Variants in PIEZO2 observed in about 807,000 individuals in gnomAD.
PIEZO2 encodes the protein piezo type mechanosensitive ion channel component 2.
Under a neutral mutation model 337.3 loss-of-function variants are expected in PIEZO2, and 172 were observed. The observed-to-expected ratio is 0.51, with a 90% CI of 0.45 to 0.58. The LOEUF is 0.58. Ranked by LOEUF, PIEZO2 falls within the 20% of genes least tolerant of loss-of-function variation. PIEZO2 has a pLI of 0.00. For synonymous variants in PIEZO2, 1,251 were observed against 1,228.5 expected (o/e 1.02, Z -0.38); for missense variants, 3,028 against 3,391.3 (o/e 0.89, Z 2.66).
Position 11,127,242 on chromosome 18 carries a change from G to A in PIEZO2, c.64+21283C>T, listed in dbSNP as rs544898856. ...GAGGTGACATTTAGGCTGAGATATA[G>A]GAGGAAACGCTCATCAGAGCACACA... is the stretch of plus-strand genomic sequence containing the variant. On this transcript the variant is annotated intron_variant, in intron 1 of 55. Coordinates refer to ENST00000674853, the MANE Select transcript of PIEZO2 (RefSeq NM_001378183.1). The surrounding 1 kb of genome is among the most constrained non-coding windows in gnomAD (Gnocchi z 4.5). Among the ~76,000 whole-genome samples, 1 of 152,278 alleles carries A rather than the reference G, an allele frequency of 6.6e-6. No individual in the cohort carries two copies. Among genetic ancestry groups the A allele is most frequent in the South Asian group, 2.1e-4 (1 of 4,822 alleles).
rs1204121769 is a variant in PIEZO2, at chr18:11,146,539, C to T, written c.64+1986G>A. Among the ~76,000 whole-genome samples, 1 of 152,196 alleles carries T rather than the reference C, an allele frequency of 6.6e-6. No homozygotes were observed. Among genetic ancestry groups the T allele is most frequent in the Non-Finnish European group, 1.5e-5 (1 of 68,028 alleles). Reference sequence around the variant, plus strand: ...ACCAGGCCAGCTCCCCTTGGGAGGGCAGAGTACTACAGCCCTACTGAAGGA... The same window carrying T: ...ACCAGGCCAGCTCCCCTTGGGAGGGTAGAGTACTACAGCCCTACTGAAGGA... On this transcript the variant is annotated intron_variant, in intron 1 of 55. Transcript: ENST00000674853. The surrounding 1 kb of genome is among the most constrained non-coding windows in gnomAD (Gnocchi z 6.1).
At chr18:10,913,772 C>G (rs906790142) in intron 3 of PIEZO2, among the ~76,000 whole-genome samples, 11 of 152,180 alleles carry the variant, frequency 7.2e-5, no homozygotes, top group Admixed American at 2.0e-4. Context: ...CATTAGGCCA[C>G]TCAACCAGGC....
At position 10,811,822 on chromosome 18, in the gene PIEZO2, T is replaced by C. The variant is rs181722624; in HGVS notation, c.918-4548A>G. 7.7e-3 allele frequency among the ~76,000 whole-genome samples: 1,165 copies of C among 152,096 alleles called. 60 individuals carry two copies. The highest frequency in any genetic ancestry group is 0.073 in the Admixed American group (1,117 of 15,292). Reference sequence around the variant, plus strand: ...TATATGGTTCAGAAATAACACTAGTTGTTGTTGTTTTTTTCTTTTTTGTTT... The same window carrying C: ...TATATGGTTCAGAAATAACACTAGTCGTTGTTGTTTTTTTCTTTTTTGTTT... On this transcript the variant is annotated intron_variant, in intron 7 of 55. Transcript: ENST00000674853.
intron 5 of PIEZO2, among the ~76,000 whole-genome samples, chr18:10,868,832 G>A (rs1298245613): frequency 6.6e-6 from 1 of 152,130 alleles, no homozygotes; most frequent in Non-Finnish European, 1.5e-5. Flanking sequence ...TCACAGCCGT[G>A]GCTTTTTATT....
Position 11,110,339 on chromosome 18 carries a change from T to C in PIEZO2, c.64+38186A>G, listed in dbSNP as rs940459068. On this transcript the variant is annotated intron_variant, in intron 1 of 55. Transcript: ENST00000674853. This position sits in a 1 kb window ranked among gnomAD's most constrained non-coding sequence, Gnocchi z 4.2. ...TAAATCTCAATTCTGTTCTTTCTTT[T>C]CCAGAAATATCGTTTTATTTAAGAA... is the stretch of plus-strand genomic sequence containing the variant. Among the ~76,000 whole-genome samples the C allele has an allele frequency of 6.6e-6, 1 of 152,208 alleles. No homozygotes were observed. The highest frequency in any genetic ancestry group is 2.4e-5 in the African/African-American group (1 of 41,448).
rs183024354 is a variant in PIEZO2, at chr18:10,715,031, C to T, written c.5257-101G>A. 3.6e-5 allele frequency: 44 copies of T among 1,216,982 alleles called. 1 individual carries two copies. The Admixed American group carries it at 9.6e-4, about 27-fold the overall frequency. The allele number at this position is 1,216,982 out of a possible 1,614,324, so 75.4% of individuals were successfully genotyped here. Reference sequence around the variant, plus strand: ...GACAGCTTTTCATACCCATGCATGCCTGGATAAGGATTAGGACCATGCTAG... The same window carrying T: ...GACAGCTTTTCATACCCATGCATGCTTGGATAAGGATTAGGACCATGCTAG... On this transcript the variant is annotated intron_variant, in intron 38 of 55. Coordinates refer to ENST00000674853, the MANE Select transcript of PIEZO2 (RefSeq NM_001378183.1).
At chr18:10,831,086 T>C (rs564763056) in intron 7 of PIEZO2, among the ~76,000 whole-genome samples, 93 of 152,252 alleles carry the variant, frequency 6.1e-4, no homozygotes, top group African/African-American at 2.1e-3. Flanking sequence ...GGAATGTCAA[T>C]TAGCACAACC....
intron 3 of PIEZO2, among the ~76,000 whole-genome samples, chr18:10,965,295 TGCCAC>T (rs2033952180): frequency 6.6e-6 from 1 of 152,252 alleles, no homozygotes; most frequent in African/African-American, 2.4e-5. Context: ...CACATGTTAT[TGCCAC>T]GCTTTATTTT....
intron 4 of PIEZO2, among the ~76,000 whole-genome samples, chr18:10,882,331 AC>A (rs555698430): frequency 6.0e-4 from 92 of 152,128 alleles, no homozygotes; most frequent in African/African-American, 2.1e-3. Context: ...TTCTCCAGTT[AC>A]CCCCGGCCCA....
In PIEZO2 at chr18:10,705,509, G is replaced by T; in HGVS notation, c.5826C>A (p.Pro1942=). Residue 1942 remains proline (P), a synonymous_variant, in exon 41 of 56, where the codon CCC becomes CCA. Transcript: ENST00000674853. ...STLDGDVEAP[P]SYSKAVSFEH... ...CGAAGCTCACAGCCTTGCTGTAGGA[G>T]GGTGGGGCCTCCACATCCCCGTCCA... 6.5e-7 allele frequency: 1 copy of T among 1,537,246 alleles called. No homozygotes were observed. The highest frequency in any genetic ancestry group is 8.7e-7 in the Non-Finnish European group (1 of 1,146,898).
chr18:10,695,703 C>T, intron 47 of PIEZO2, among the ~76,000 whole-genome samples: 1 of 152,154 alleles, frequency 6.6e-6, no homozygotes, highest in Non-Finnish European at 1.5e-5. Flanking sequence ...TCTGTGCCTT[C>T]TCTCCCTCTC....
At chr18:11,008,386 G>A (rs115318432) in intron 2 of PIEZO2, among the ~76,000 whole-genome samples, 3,141 of 152,242 alleles carry the variant, frequency 0.021, 118 homozygotes, top group African/African-American at 0.071. Context: ...ATATGCCCTT[G>A]TCTTAATTAG....
intron 7 of PIEZO2, among the ~76,000 whole-genome samples, chr18:10,835,467 A>T (rs977789940): frequency 1.3e-5 from 2 of 152,260 alleles, no homozygotes; most frequent in African/African-American, 4.8e-5. Context: ...CCATCATTTC[A>T]TTAAAATATG....
rs2042156146 is a variant in PIEZO2, at chr18:10,872,189, T to C, written c.330-774A>G. 6.6e-6 allele frequency among the ~76,000 whole-genome samples: 1 copy of C among 152,234 alleles called. No individual in the cohort carries two copies. Among genetic ancestry groups the C allele is most frequent in the Non-Finnish European group, 1.5e-5 (1 of 68,040 alleles). On this transcript the variant is annotated intron_variant, in intron 4 of 55. Coordinates refer to ENST00000674853, the MANE Select transcript of PIEZO2 (RefSeq NM_001378183.1). The surrounding 1 kb of genome is among the most constrained non-coding windows in gnomAD (Gnocchi z 4.3). Reference sequence around the variant, plus strand: ...TAAAGAATGAAACACATATTTTCACTAAGCCTACATTTTGAGAAGAGCAGC... The same window carrying C: ...TAAAGAATGAAACACATATTTTCACCAAGCCTACATTTTGAGAAGAGCAGC...
At chr18:10,909,870 C>G (rs4797491) in intron 4 of PIEZO2, among the ~76,000 whole-genome samples, 95,959 of 152,002 alleles carry the variant, frequency 0.63, 30,358 homozygotes, top group East Asian at 0.82. Flanking sequence ...TCCCGCAATA[C>G]CTTAAGAATT....
In PIEZO2 at chr18:10,763,000, C is replaced by A; in HGVS notation, c.3045G>T (p.Thr1015=). ...ACATTTTGCAGACGATGATCACACACGTCCAGACTGTGCAGACACTTGAAG... is the reference window on the plus strand; with the variant it reads ...ACATTTTGCAGACGATGATCACACAAGTCCAGACTGTGCAGACACTTGAAG... ...RLASSVCTVW[T]CVIIVCKMLY... is the part of the protein sequence containing the mutation. Residue 1015 remains threonine (T), a synonymous_variant, in exon 22 of 56, where the codon ACG becomes ACT. Coordinates refer to ENST00000674853, the MANE Select transcript of PIEZO2 (RefSeq NM_001378183.1). 2 of 1,537,314 alleles carry A rather than the reference C, an allele frequency of 1.3e-6. No homozygotes were observed.
In PIEZO2 at chr18:10,705,412, G is replaced by T; in HGVS notation, c.5923C>A (p.Arg1975Ser). The change falls in exon 41 of 56, where the codon CGC becomes AGC. Residue 1975 changes from arginine (R) to serine (S), a missense_variant. Physicochemically the swap from Arg to Ser is moderately radical, Grantham distance 110. Transcript: ENST00000674853. ...NRMAVSPDDS[R>S]TDKLGSSILP... ...ATGCTGGACCCCAGCTTGTCGGTGC[G>T]GCTGTCGTCCGGGCTGACTGCCATA... 6.5e-7 allele frequency: 1 copy of T among 1,537,240 alleles called. No homozygotes were observed. Among genetic ancestry groups the T allele is most frequent in the Non-Finnish European group, 8.7e-7 (1 of 1,146,902 alleles).
chr18:10,949,203 A>AT (rs2033171778), intron 3 of PIEZO2, among the ~76,000 whole-genome samples: 1 of 114,626 alleles, frequency 8.7e-6, no homozygotes, highest in Admixed American at 9.2e-5. Context: ...AGTAGGAAAC[A>AT]TTTTTTTCTC....
At chr18:10,774,644 T>C (rs2038723898) in intron 18 of PIEZO2, among the ~76,000 whole-genome samples, 1 of 152,220 alleles carries the variant, frequency 6.6e-6, no homozygotes, top group African/African-American at 2.4e-5. Flanking sequence ...GTTTATTTCT[T>C]AGTGGACCAT....
Sources: allele counts gnomAD v4.1 joint callset (sites outside exome capture counted in the v4.1 genomes callset), GRCh38; gene constraint gnomAD v4.1.1; non-coding constraint Gnocchi (gnomAD v3.1); transcripts MANE v1.5; gene names NCBI Gene and HGNC (gene_info 2026-07-23, HGNC 2026-07-21).